KIF6: variants seen among roughly 807,000 people sequenced by gnomAD.
KIF6 encodes the protein kinesin family member 6.
A neutral mutation model predicts 112.7 loss-of-function variants in KIF6; 106 were observed. The observed-to-expected ratio is 0.94, with a 90% CI of 0.80 to 1.11. The LOEUF is 1.11. KIF6 is among the 50% of genes least tolerant of loss of function. The pLI is 0.00. For synonymous variants in KIF6, 339 were observed against 339.9 expected (o/e 1.00, Z 0.03); for missense variants, 929 against 964.0 (o/e 0.96, Z 0.48).
At chr6:39,494,619 C>G (rs749452280) in intron 13 of KIF6, among the ~76,000 whole-genome samples, 1 of 152,014 alleles carries the variant, frequency 6.6e-6, no homozygotes, top group African/African-American at 2.4e-5. Flanking sequence ...TCCTAATGTT[C>G]CGACGTAAAA....
chr6:39,337,207 C>CTTTCTTTCTTTCTT, intron 22 of KIF6, among the ~76,000 whole-genome samples: 1 of 92,644 alleles, frequency 1.1e-5, no homozygotes, highest in African/African-American at 8.3e-5. Flanking sequence ...TTCTTTCTTT[C>CTTTCTTTCTTTCTT]TTTCTTTCTT....
Position 39,487,990 on chromosome 6 carries a change from C to CATCT in KIF6, c.1645+52009_1645+52012dup, listed in dbSNP as rs1464871982. Among the ~76,000 whole-genome samples the CATCT allele has an allele frequency of 1.4e-3, 208 of 150,962 alleles. 1 individual carries two copies. Among genetic ancestry groups the CATCT allele is most frequent in the African/African-American group, 4.3e-3 (177 of 40,988 alleles). ...CAAACTATATACTTGCATTTATAGG[C>CATCT]ATCTATCTATCTATCTATCTATCTA... On this transcript the variant is annotated intron_variant, in intron 13 of 22. Transcript: ENST00000287152.
chr6:39,536,743 C>T (rs1279297125), intron 13 of KIF6, among the ~76,000 whole-genome samples: 4 of 151,926 alleles, frequency 2.6e-5, no homozygotes, highest in South Asian at 4.2e-4. Flanking sequence ...GATACCAAAG[C>T]CGGGCAGAGA....
At chr6:39,498,555 T>C (rs1461344630) in intron 13 of KIF6, among the ~76,000 whole-genome samples, 2 of 152,272 alleles carry the variant, frequency 1.3e-5, no homozygotes, top group Middle Eastern at 3.4e-3. Flanking sequence ...GTGGGCCATA[T>C]GGTCAGTGTT....
chr6:39,523,729 A>AC (rs1465968591), intron 13 of KIF6, among the ~76,000 whole-genome samples: 1 of 131,334 alleles, frequency 7.6e-6, no homozygotes, highest in Non-Finnish European at 1.6e-5. Context: ...TTCAACTACT[A>AC]CCTCTTCCAG....
At chr6:39,352,744 C>T (rs1192473624) in intron 19 of KIF6, among the ~76,000 whole-genome samples, 1 of 152,004 alleles carries the variant, frequency 6.6e-6, no homozygotes, top group Non-Finnish European at 1.5e-5. Flanking sequence ...GCTGGGATTA[C>T]ACGTGCATGC....
At chr6:39,606,823 G>A (rs1782915549) in intron 6 of KIF6, among the ~76,000 whole-genome samples, 1 of 152,128 alleles carries the variant, frequency 6.6e-6, no homozygotes, top group Admixed American at 6.6e-5. Flanking sequence ...ATACTTGCCT[G>A]TGTTTCAGAT....
intron 5 of KIF6, among the ~76,000 whole-genome samples, chr6:39,627,264 TC>T (rs1175826765): frequency 6.6e-6 from 1 of 152,132 alleles, no homozygotes; most frequent in Non-Finnish European, 1.5e-5. Context: ...TCTGCTATCT[TC>T]CCTATGAATC....
chr6:39,398,416 C>T (rs762917050), intron 15 of KIF6, among the ~76,000 whole-genome samples: 6 of 152,166 alleles, frequency 3.9e-5, no homozygotes, highest in Non-Finnish European at 5.9e-5. Flanking sequence ...TAACAGGTGC[C>T]AGGAGGAGAC....
At chr6:39,656,000 A>G (rs1371849160) in intron 3 of KIF6, among the ~76,000 whole-genome samples, 1 of 152,236 alleles carries the variant, frequency 6.6e-6, no homozygotes, top group Admixed American at 6.5e-5. Context: ...TCAAAGATCA[A>G]TGTTCAAAAG....
intron 13 of KIF6, among the ~76,000 whole-genome samples, chr6:39,524,608 A>T (rs551792850): frequency 6.6e-6 from 1 of 152,334 alleles, no homozygotes; most frequent in Non-Finnish European, 1.5e-5. Flanking sequence ...CAGGGGCAGG[A>T]CTACATCCAA....
chr6:39,361,677 C>T (rs937798253), intron 17 of KIF6, among the ~76,000 whole-genome samples: 1 of 151,886 alleles, frequency 6.6e-6, no homozygotes, highest in South Asian at 2.1e-4. Context: ...GCGACAGCAG[C>T]GTGTGTGCTC....
chr6:39,487,537 G>A (rs1329762285), intron 13 of KIF6, among the ~76,000 whole-genome samples: 2 of 152,110 alleles, frequency 1.3e-5, no homozygotes, highest in East Asian at 1.9e-4. Context: ...TCTCTGCCTA[G>A]GTCTGCTTTC....
chr6:39,358,186 A>G (rs770255319), intron 18 of KIF6, among the ~76,000 whole-genome samples: 3 of 152,218 alleles, frequency 2.0e-5, no homozygotes, highest in East Asian at 1.9e-4. Context: ...AGCCTCCTGG[A>G]ACGTGAGTGC....
intron 10 of KIF6, among the ~76,000 whole-genome samples, chr6:39,555,946 G>A (rs1192628006): frequency 1.6e-4 from 17 of 109,364 alleles, no homozygotes; most frequent in South Asian, 3.0e-4. Context: ...AGAGTGAGAC[G>A]CTGTCTCAAA....
Position 39,475,766 on chromosome 6 carries a change from G to A in KIF6, c.1646-44605C>T, listed in dbSNP as rs917313301. ...GCGAGAGGCGCCTTCATGAGCAGCT[G>A]GAGAGTTTTACACTTCTTTTGAGGT... On this transcript the variant is annotated intron_variant, in intron 13 of 22. Coordinates refer to ENST00000287152, the MANE Select transcript of KIF6 (RefSeq NM_145027.6). 6.6e-5 allele frequency among the ~76,000 whole-genome samples: 10 copies of A among 152,274 alleles called. No individual in the cohort carries two copies. In the South Asian group the frequency reaches 8.3e-4, roughly 13 times the overall value.
At chr6:39,717,428 T>C (rs530596757) in intron 2 of KIF6, among the ~76,000 whole-genome samples, 5 of 152,306 alleles carry the variant, frequency 3.3e-5, no homozygotes, top group Admixed American at 3.3e-4. Flanking sequence ...CCTTAGATAC[T>C]TGAATGGCTG....
chr6:39,638,969 T>C (rs1784766844), intron 4 of KIF6, among the ~76,000 whole-genome samples: 1 of 152,066 alleles, frequency 6.6e-6, no homozygotes, highest in Non-Finnish European at 1.5e-5. Context: ...GATAGAACTC[T>C]AGATCAGCTA....
chr6:39,703,753 T>C (rs555406083), intron 3 of KIF6, among the ~76,000 whole-genome samples: 1 of 152,348 alleles, frequency 6.6e-6, no homozygotes, highest in Non-Finnish European at 1.5e-5. Context: ...TTTACTGCTG[T>C]ATATTCTCCA....
Sources: gnomAD v4.1 joint callset for allele counts (sites outside exome capture counted in the v4.1 genomes callset) on GRCh38, gnomAD v4.1.1 for gene constraint, MANE v1.5 for transcripts, NCBI Gene and HGNC (gene_info 2026-07-23, HGNC 2026-07-21) for gene names.